The following ATRN variants were observed in gnomAD, a reference collection of about 807,000 sequenced individuals.
ATRN encodes the protein attractin-2.
ATRN carries 54 observed loss-of-function variants against 178.7 expected under a neutral mutation model. That is an observed-to-expected ratio of 0.30 (90% CI 0.24 to 0.38). The LOEUF (loss-of-function observed/expected upper bound fraction) is 0.38, where lower values mean the gene tolerates loss of function less well. Among genes scored for constraint, ATRN ranks in the 10% least tolerant of loss-of-function variants. The probability of loss-of-function intolerance (pLI) is 1.00; values close to 1 mark genes in which losing one functional copy is unlikely to be tolerated. For synonymous variants in ATRN, 636 were observed against 663.0 expected (o/e 0.96, Z 0.63); for missense variants, 1,443 against 1,815.1 (o/e 0.79, Z 3.73).
chr20:3,573,710 C>T (rs1050365051), intron 12 of ATRN, among the ~76,000 whole-genome samples: 4 of 152,074 alleles, frequency 2.6e-5, no homozygotes, highest in Admixed American at 1.3e-4. Flanking sequence ...GAGCACAATG[C>T]GGTACAGTGA....
chr20:3,593,409 A>T (rs1321981390), intron 19 of ATRN, among the ~76,000 whole-genome samples: 1 of 152,224 alleles, frequency 6.6e-6, no homozygotes, highest in Non-Finnish European at 1.5e-5. Context: ...CATCATATAC[A>T]TATCATCACA....
chr20:3,623,725 A>G (rs1455326904), intron 24 of ATRN, among the ~76,000 whole-genome samples: 4 of 152,328 alleles, frequency 2.6e-5, no homozygotes, highest in Middle Eastern at 3.4e-3. Flanking sequence ...TAGCACGTAT[A>G]TTATCGGTGA....
In ATRN at chr20:3,584,024, A is replaced by C; in HGVS notation, c.2891A>C (p.Tyr964Ser). The change falls in exon 17 of 29, where the codon TAC (tyrosine) becomes TCC (serine). Residue 964 changes from tyrosine (Y) to serine (S), a missense_variant. This residue lies in a region of ATRN where 212 missense variants were observed against 330.7 expected (regional missense o/e 0.64). Transcript: ENST00000262919. The stretch of plus-strand genomic sequence containing the variant: ...AAGCAGTGTGTGGACTCCAATGCCT[A>C]CGTGGCCTCCTTCCCTTTTGGCCAG... ...NMKQCVDSNA[Y>S]VASFPFGQCM... The C allele has an allele frequency of 6.2e-7, 1 of 1,614,140 alleles. No homozygotes were observed. Among genetic ancestry groups the C allele is most frequent in the Non-Finnish European group, 8.5e-7 (1 of 1,180,006 alleles).
At chr20:3,584,322 T>G (rs1214301169) in intron 17 of ATRN, among the ~76,000 whole-genome samples, 1 of 152,184 alleles carries the variant, frequency 6.6e-6, no homozygotes, top group Non-Finnish European at 1.5e-5. Flanking sequence ...AGAAATAACT[T>G]GTCCAACTTC....
At position 3,647,119 on chromosome 20, in the gene ATRN, A is replaced by G. The variant is rs2087113682; in HGVS notation, c.*272A>G. ...GATGGTTGCTGGAGGAGGCCAGTGT[A>G]GAGCCAGTGAGAGAACTAGGAATGA... is the stretch of plus-strand genomic sequence containing the variant. On this transcript the variant is annotated 3_prime_UTR_variant, in exon 29 of 29. Coordinates refer to ENST00000262919, the MANE Select transcript of ATRN (RefSeq NM_139321.3). 3 of 284,326 alleles carry G rather than the reference A, an allele frequency of 1.1e-5. No homozygotes were observed. Among genetic ancestry groups the G allele is most frequent in the Admixed American group, 9.5e-5 (2 of 21,052 alleles). The allele number at this position is 284,326 out of a possible 1,614,324, so 17.6% of individuals were successfully genotyped here.
At chr20:3,590,857 G>A (rs944843997) in intron 18 of ATRN, among the ~76,000 whole-genome samples, 3 of 152,262 alleles carry the variant, frequency 2.0e-5, no homozygotes, top group Non-Finnish European at 4.4e-5. Flanking sequence ...GATTGTATAT[G>A]ATCTTTCCCC....
intron 24 of ATRN, among the ~76,000 whole-genome samples, chr20:3,609,803 C>T (rs1431514376): frequency 2.0e-5 from 3 of 150,730 alleles, no homozygotes; most frequent in South Asian, 2.1e-4. Flanking sequence ...CTGATACATG[C>T]GACAACACAA....
chr20:3,610,882 C>T (rs6107319), intron 24 of ATRN, among the ~76,000 whole-genome samples: 3 of 151,426 alleles, frequency 2.0e-5, no homozygotes, highest in Admixed American at 1.3e-4. Flanking sequence ...AGACATGAGC[C>T]GTTGCGCCCA....
At chr20:3,481,862 A>G (rs1215852060) in intron 1 of ATRN, among the ~76,000 whole-genome samples, 2 of 144,116 alleles carry the variant, frequency 1.4e-5, no homozygotes, top group East Asian at 2.0e-4. Context: ...GAATTTTCCA[A>G]TTAATTTCTC....
In ATRN at chr20:3,588,843, T is replaced by C. The variant is rs1172018548; in HGVS notation, c.3185-2326T>C. Among the ~76,000 whole-genome samples, 3 of 152,182 alleles carry C rather than the reference T, an allele frequency of 2.0e-5. No homozygotes were observed. In the East Asian group the frequency reaches 5.8e-4, roughly 29 times the overall value. ...TTCTTTACAGGAAAATTTTTAATTA[T>C]TAATTCAATCTGTTTGTTATAGATC... On this transcript the variant is annotated intron_variant, in intron 18 of 28. Transcript: ENST00000262919.
At chr20:3,489,771 A>G (rs1296205758) in intron 1 of ATRN, 11 of 1,396,994 alleles carry the variant, frequency 7.9e-6, no homozygotes, top group Non-Finnish European at 1.1e-5. Context: ...GTGTCACTGG[A>G]AGGCTTTGCG....
At chr20:3,473,154 C>T (rs1330647146) in intron 1 of ATRN, among the ~76,000 whole-genome samples, 1 of 152,180 alleles carries the variant, frequency 6.6e-6, no homozygotes, top group East Asian at 1.9e-4. Flanking sequence ...GTATACAAGA[C>T]AGGCACAGTC....
intron 15 of ATRN, among the ~76,000 whole-genome samples, chr20:3,580,087 C>T (rs527302935): frequency 1.7e-4 from 26 of 152,318 alleles, no homozygotes; most frequent in African/African-American, 6.0e-4. Context: ...TTTCAGATTT[C>T]AGAATCTCCA....
intron 15 of ATRN, among the ~76,000 whole-genome samples, chr20:3,580,970 G>T (rs1378700822): frequency 1.3e-5 from 2 of 152,188 alleles, no homozygotes; most frequent in Non-Finnish European, 1.5e-5. Flanking sequence ...GGCTGGGTGT[G>T]GTGGCTCCTG....
chr20:3,575,867 C>T lies in ATRN; in HGVS notation c.2133C>T (p.Tyr711=), dbSNP rs569793197. The change falls in exon 13 of 29, where the codon TAC becomes TAT. Residue 711 remains tyrosine (Y), a synonymous_variant. Transcript: ENST00000262919. ...GATGTGACCAGCACACAGATTGTTACAGCTGCACAGCCAACACCAATGACT... is the reference window on the plus strand; with the variant it reads ...GATGTGACCAGCACACAGATTGTTATAGCTGCACAGCCAACACCAATGACT... The part of the protein sequence containing the change: ...HDRCDQHTDC[Y]SCTANTNDCH... 10 of 1,613,998 alleles carry T rather than the reference C, an allele frequency of 6.2e-6. No homozygotes were observed. The South Asian group carries it at 9.9e-5, about 16-fold the overall frequency.
chr20:3,501,453 G>T (rs1046500240), intron 1 of ATRN, among the ~76,000 whole-genome samples: 4 of 152,150 alleles, frequency 2.6e-5, no homozygotes, highest in African/African-American at 9.7e-5. Flanking sequence ...CTTATTTCAT[G>T]TTGGGGTCAA....
chr20:3,594,377 A>T (rs758940122), intron 19 of ATRN, 102 bp from the exon 20 acceptor site: 2 of 809,234 alleles, frequency 2.5e-6, no homozygotes, highest in Non-Finnish European at 3.8e-6. Context: ...TGTCTTTCCT[A>T]CTGAACTCAA....
intron 1 of ATRN, chr20:3,489,781 G>A (rs1456041546): frequency 9.0e-6 from 12 of 1,336,140 alleles, no homozygotes; most frequent in South Asian, 2.3e-5. Flanking sequence ...AAGGCTTTGC[G>A]CCCTTGGTAG....
chr20:3,555,054 G>A (rs1040397874), intron 6 of ATRN, among the ~76,000 whole-genome samples: 3 of 138,446 alleles, frequency 2.2e-5, no homozygotes, highest in Non-Finnish European at 4.5e-5. Context: ...AGGCTGGAGT[G>A]CAGTGGCGTG....
Sources: allele counts gnomAD v4.1 joint callset (sites outside exome capture counted in the v4.1 genomes callset), GRCh38; gene constraint gnomAD v4.1.1; regional missense constraint gnomAD v4.1.1; transcripts MANE v1.5; gene names NCBI Gene and HGNC (gene_info 2026-07-23, HGNC 2026-07-21).